FIRRM: variants seen among roughly 807,000 people sequenced by gnomAD.
FIRRM encodes the protein FIGNL1 interacting regulator of recombination and mitosis, also known as FIGNL1-interacting regulator of recombination and mitosis.
the FIRRM span, among the ~76,000 whole-genome samples, chr1:169,790,453 TG>T: frequency 6.6e-6 from 1 of 152,192 alleles, no homozygotes; most frequent in African/African-American, 2.4e-5. Flanking sequence ...CCCAAAGTGC[TG>T]GGATTACAGG....
chr1:169,809,346 A>G, the FIRRM span, among the ~76,000 whole-genome samples: 558 of 152,106 alleles, frequency 3.7e-3, 2 homozygotes, highest in Non-Finnish European at 6.1e-3. Flanking sequence ...TTGTTTGGGT[A>G]TCCTATATCA....
chr1:169,812,655 G>A, the FIRRM span, among the ~76,000 whole-genome samples: 18 of 151,980 alleles, frequency 1.2e-4, no homozygotes, highest in African/African-American at 2.7e-4. Context: ...CTAGGAGTTC[G>A]AGACCAGGCT....
chr1:169,831,797 C>G, the FIRRM span, among the ~76,000 whole-genome samples: 1 of 152,130 alleles, frequency 6.6e-6, no homozygotes, highest in African/African-American at 2.4e-5. Flanking sequence ...TTCTGTCACC[C>G]AGGCTGGAAT....
the FIRRM span, among the ~76,000 whole-genome samples, chr1:169,847,301 A>G: frequency 8.1e-6 from 1 of 123,692 alleles, no homozygotes; most frequent in African/African-American, 3.2e-5. Flanking sequence ...GTTGCCACAC[A>G]CCTTATATTT....
At chr1:169,805,870 A>G in the FIRRM span, 1,415 of 632,654 alleles carry the variant, frequency 2.2e-3, 8 homozygotes, top group Non-Finnish European at 1.8e-3. Flanking sequence ...TTTTGACACA[A>G]CTGTTTCCAA....
At chr1:169,835,234 A>G in the FIRRM span, among the ~76,000 whole-genome samples, 2 of 152,320 alleles carry the variant, frequency 1.3e-5, no homozygotes, top group East Asian at 3.9e-4. Flanking sequence ...TGGTGATGAT[A>G]TACTTTAAAA....
chr1:169,793,259 A>G, the FIRRM span: 1 of 1,614,102 alleles, frequency 6.2e-7, no homozygotes. Context: ...TTTTGAAACT[A>G]TGTTTTCTCC....
At chr1:169,818,380 T>G in the FIRRM span, among the ~76,000 whole-genome samples, 2 of 152,210 alleles carry the variant, frequency 1.3e-5, no homozygotes, top group African/African-American at 2.4e-5. Context: ...TTTTCAAAAG[T>G]CAAAGAAGCA....
chr1:169,818,305 T>C, the FIRRM span, among the ~76,000 whole-genome samples: 1 of 152,186 alleles, frequency 6.6e-6, no homozygotes, highest in South Asian at 2.1e-4. Flanking sequence ...CTAGCATAGC[T>C]AGGGGGCATG....
At chr1:169,826,304 T>G in the FIRRM span, among the ~76,000 whole-genome samples, 1 of 151,120 alleles carries the variant, frequency 6.6e-6, no homozygotes, top group Non-Finnish European at 1.5e-5. Flanking sequence ...ACTCCCAACC[T>G]CGCTTGCCTC....
chr1:169,798,971 G>A, the FIRRM span: 3 of 1,126,190 alleles, frequency 2.7e-6, no homozygotes, highest in South Asian at 2.9e-5. Flanking sequence ...AAGTAAAATT[G>A]TTTTAACTGT....
At chr1:169,830,607 A>C in the FIRRM span, 5 of 1,274,790 alleles carry the variant, frequency 3.9e-6, no homozygotes, top group Non-Finnish European at 5.7e-6. Context: ...TAATGTCCTC[A>C]TCAGAATATT....
chr1:169,804,417 C>G, the FIRRM span: 1 of 402,268 alleles, frequency 2.5e-6, no homozygotes. Flanking sequence ...TTTTGGGTAC[C>G]TTAACCTAGA....
the FIRRM span, chr1:169,796,016 C>T: frequency 1.0e-6 from 1 of 959,016 alleles, no homozygotes. Context: ...TTTTTCACAA[C>T]ATTTGAGCCC....
chr1:169,853,090 C>A, the FIRRM span: 2 of 1,060,018 alleles, frequency 1.9e-6, no homozygotes, highest in Non-Finnish European at 2.8e-6. Flanking sequence ...AAAGTTGAAT[C>A]TAGTGAAAAT....
At chr1:169,852,400 A>C in the FIRRM span, 54 of 250,846 alleles carry the variant, frequency 2.2e-4, no homozygotes, top group Non-Finnish European at 3.2e-4. Flanking sequence ...TTAGTATAGT[A>C]ATTAGTATAG....
chr1:169,833,530 G>T, the FIRRM span, among the ~76,000 whole-genome samples: 54 of 152,288 alleles, frequency 3.5e-4, no homozygotes, highest in African/African-American at 1.3e-3. Flanking sequence ...GAAAAAGTTT[G>T]TAAAGACTTG....
chr1:169,791,177 C>T, the FIRRM span, among the ~76,000 whole-genome samples: 509 of 152,298 alleles, frequency 3.3e-3, 6 homozygotes, highest in African/African-American at 0.011. Flanking sequence ...TGGTCCACGG[C>T]GCAGGCATCA....
At chr1:169,830,020 C>T in the FIRRM span, among the ~76,000 whole-genome samples, 1 of 152,090 alleles carries the variant, frequency 6.6e-6, no homozygotes, top group East Asian at 1.9e-4. Flanking sequence ...TGAGTTATTA[C>T]ATTTAAAATC....
Sources: gnomAD v4.1 joint callset for allele counts (sites outside exome capture counted in the v4.1 genomes callset) on GRCh38, gnomAD v4.1.1 for gene constraint, MANE v1.5 for transcripts, NCBI Gene and HGNC (gene_info 2026-07-23, HGNC 2026-07-21) for gene names.